Variants in COL24A1 observed in about 807,000 individuals in gnomAD.
COL24A1 encodes the protein collagen type XXIV alpha 1 chain, also known as collagen alpha-1(XXIV) chain.
COL24A1 carries 224 observed loss-of-function variants against 253.9 expected under a neutral mutation model. That is an observed-to-expected ratio of 0.88 (90% CI 0.79 to 0.99). COL24A1 has a LOEUF of 0.99. Among genes scored for constraint, COL24A1 ranks in the 50% least tolerant of loss-of-function variants. COL24A1 has a pLI of 0.00. For synonymous variants in COL24A1, 685 were observed against 673.7 expected, an observed-to-expected ratio of 1.02 and a Z score of -0.26; for missense variants, 2,131 against 2,068.5, an observed-to-expected ratio of 1.03 and a Z score of -0.59.
chr1:86,006,010 C>G (rs1326576199), intron 19 of COL24A1, among the ~76,000 whole-genome samples: 1 of 151,808 alleles, frequency 6.6e-6, no homozygotes, highest in African/African-American at 2.4e-5. Flanking sequence ...AGTTATGAAC[C>G]TAAGAAAATA....
At chr1:85,924,263 C>A (rs1686913500) in intron 24 of COL24A1, among the ~76,000 whole-genome samples, 2 of 152,170 alleles carry the variant, frequency 1.3e-5, no homozygotes, top group Admixed American at 1.3e-4. Context: ...TGATACCATT[C>A]CTTCTGAAAC....
intron 24 of COL24A1, among the ~76,000 whole-genome samples, chr1:85,958,027 A>T (rs1481042413): frequency 3.3e-5 from 5 of 152,110 alleles, no homozygotes; most frequent in Non-Finnish European, 1.5e-5. Flanking sequence ...ACAACAGCTA[A>T]CATTTATCAA....
Position 85,734,697 on chromosome 1 carries a change from A to T in COL24A1, c.4998+52T>A. The T allele has an allele frequency of 4.0e-6, 6 of 1,483,510 alleles. No individual in the cohort carries two copies. The South Asian group carries it at 5.7e-5, about 14-fold the overall frequency. 91.9% of individuals were successfully genotyped at this position (1,483,510 alleles called of 1,614,324 possible). A position where few individuals can be genotyped will look rare whatever the true frequency, so the allele number is the denominator to read the frequency against. On this transcript the variant is annotated intron_variant, in intron 59 of 59. Coordinates refer to ENST00000370571, the MANE Select transcript of COL24A1 (RefSeq NM_152890.7). ...CTAATTATCCTAATTTTATGGTTTT[A>T]TCAATTTTAAGTTAGTTATATTGAA...
chr1:86,108,021 CTTATTGGTGAATAG>C (rs998685610), intron 5 of COL24A1, among the ~76,000 whole-genome samples: 2 of 152,022 alleles, frequency 1.3e-5, no homozygotes, highest in African/African-American at 4.8e-5. Flanking sequence ...CATAAAATAT[CTTATTGGTGAATAG>C]TTATAGTCAA....
chr1:86,024,609 G>A (rs185719488), intron 14 of COL24A1, among the ~76,000 whole-genome samples: 15 of 152,250 alleles, frequency 9.9e-5, no homozygotes, highest in Non-Finnish European at 1.9e-4. Flanking sequence ...TAGAGGCAAA[G>A]GGTAATACTT....
At chr1:85,807,952 G>A (rs541735961) in intron 47 of COL24A1, among the ~76,000 whole-genome samples, 15 of 152,156 alleles carry the variant, frequency 9.9e-5, no homozygotes, top group South Asian at 4.1e-4. Flanking sequence ...GATAAATGGA[G>A]TTTTCATCCA....
At chr1:85,820,510 C>T (rs182150476) in intron 45 of COL24A1, among the ~76,000 whole-genome samples, 17 of 152,254 alleles carry the variant, frequency 1.1e-4, no homozygotes, top group African/African-American at 1.4e-4. Context: ...GATGCCAATA[C>T]GGTGAGACAA....
intron 20 of COL24A1, among the ~76,000 whole-genome samples, chr1:85,978,010 A>C (rs1021729323): frequency 4.6e-5 from 7 of 152,206 alleles, no homozygotes; most frequent in Non-Finnish European, 1.0e-4. Flanking sequence ...AGGAAAACAT[A>C]TCAGATTTAC....
chr1:85,915,289 G>C (rs1335337759), intron 24 of COL24A1, among the ~76,000 whole-genome samples: 2 of 152,154 alleles, frequency 1.3e-5, no homozygotes, highest in Non-Finnish European at 2.9e-5. Flanking sequence ...ACTTGGAGTA[G>C]AATTTAAATA....
At chr1:85,967,747 G>T (rs1168406108) in intron 22 of COL24A1, among the ~76,000 whole-genome samples, 3 of 152,256 alleles carry the variant, frequency 2.0e-5, no homozygotes, top group African/African-American at 7.2e-5. Context: ...TAGATCCCTT[G>T]CTTGCACAGT....
At chr1:85,997,767 A>G (rs951830797) in intron 19 of COL24A1, among the ~76,000 whole-genome samples, 9 of 57,718 alleles carry the variant, frequency 1.6e-4, no homozygotes, top group African/African-American at 4.7e-4. Flanking sequence ...GCTACAGAAA[A>G]AAAAAAAAAA....
chr1:85,785,607 G>T (rs765952571), intron 48 of COL24A1, among the ~76,000 whole-genome samples: 1 of 152,150 alleles, frequency 6.6e-6, no homozygotes, highest in Non-Finnish European at 1.5e-5. Context: ...GAATATTCAT[G>T]GTATAAACAT....
At chr1:86,068,290 C>T (rs184863245) in intron 7 of COL24A1, among the ~76,000 whole-genome samples, 21 of 152,250 alleles carry the variant, frequency 1.4e-4, no homozygotes, top group Admixed American at 4.6e-4. Context: ...TAGTGAATGC[C>T]ACCCCTCCCC....
intron 43 of COL24A1, among the ~76,000 whole-genome samples, chr1:85,830,681 T>A (rs1675125384): frequency 6.6e-6 from 1 of 152,112 alleles, no homozygotes; most frequent in African/African-American, 2.4e-5. Flanking sequence ...AGTGACCCGA[T>A]TTTCCAGGTG....
At chr1:85,866,690 C>G (rs1311940845) in intron 37 of COL24A1, among the ~76,000 whole-genome samples, 1 of 152,176 alleles carries the variant, frequency 6.6e-6, no homozygotes, top group Non-Finnish European at 1.5e-5. Context: ...AACAGAATCT[C>G]TTGAACCCGG....
At chr1:86,055,647 T>C (rs115099671) in intron 10 of COL24A1, among the ~76,000 whole-genome samples, 334 of 152,294 alleles carry the variant, frequency 2.2e-3, no homozygotes, top group African/African-American at 7.4e-3. Flanking sequence ...ATAATAATTA[T>C]AGAATCTATA....
At chr1:85,945,002 G>GTTTCTTTT (rs1689135222) in intron 24 of COL24A1, among the ~76,000 whole-genome samples, 1 of 35,366 alleles carries the variant, frequency 2.8e-5, no homozygotes, top group African/African-American at 1.2e-4. Context: ...CTATCATTGT[G>GTTTCTTTT]TTTTTTTTTT....
intron 37 of COL24A1, among the ~76,000 whole-genome samples, chr1:85,859,269 G>T (rs183776710): frequency 4.6e-5 from 7 of 152,268 alleles, no homozygotes; most frequent in Admixed American, 1.3e-4. Context: ...GCCCTAATCA[G>T]ACAGTAAGGT....
At chr1:85,900,052 C>A (rs1684120373) in intron 28 of COL24A1, among the ~76,000 whole-genome samples, 1 of 152,116 alleles carries the variant, frequency 6.6e-6, no homozygotes. Flanking sequence ...GAATATTAAA[C>A]ATTCACAAGT....
Sources: gnomAD v4.1 joint callset for allele counts (sites outside exome capture counted in the v4.1 genomes callset) on GRCh38, gnomAD v4.1.1 for gene constraint, MANE v1.5 for transcripts, NCBI Gene and HGNC (gene_info 2026-07-23, HGNC 2026-07-21) for gene names.